Variants in EPHA3 observed in about 807,000 individuals in gnomAD.
EPHA3 encodes ephrin type-A receptor 3.
Under a neutral mutation model 107.1 loss-of-function variants are expected in EPHA3, and 42 were observed. The observed-to-expected ratio is 0.39, with a 90% CI of 0.31 to 0.51. The LOEUF is 0.51. Among genes scored for constraint, EPHA3 ranks in the 20% least tolerant of loss-of-function variants. The pLI, the probability that EPHA3 is intolerant of heterozygous loss-of-function variation, is 0.78. For synonymous variants in EPHA3, 461 were observed against 424.8 expected, an observed-to-expected ratio of 1.09 and a Z score of -1.05; for missense variants, 1,183 against 1,211.2, an observed-to-expected ratio of 0.98 and a Z score of 0.35.
At chr3:89,352,172 C>T (rs1330327870) in intron 5 of EPHA3, among the ~76,000 whole-genome samples, 1 of 151,316 alleles carries the variant, frequency 6.6e-6, no homozygotes, top group African/African-American at 2.4e-5. Context: ...CTATCCTCTG[C>T]TTTAGACAGA....
At chr3:89,419,142 C>G in intron 10 of EPHA3, 63 bp from the exon 11 acceptor site, 1 of 1,463,944 alleles carries the variant, frequency 6.8e-7, no homozygotes, top group Non-Finnish European at 9.1e-7. Context: ...AACAGTTGCT[C>G]TCTACTGATG....
chr3:89,442,507 G>A (rs1384339239), intron 13 of EPHA3, among the ~76,000 whole-genome samples: 2 of 152,106 alleles, frequency 1.3e-5, no homozygotes, highest in Non-Finnish European at 2.9e-5. Flanking sequence ...TCACAACTGG[G>A]GAGATGCTAA....
chr3:89,248,171 T>C (rs1419641951), intron 3 of EPHA3, among the ~76,000 whole-genome samples: 1 of 152,286 alleles, frequency 6.6e-6, no homozygotes, highest in African/African-American at 2.4e-5. Context: ...CTGCCTGCAC[T>C]TTTTCACCAT....
chr3:89,313,636 T>A (rs1034768468), intron 3 of EPHA3, among the ~76,000 whole-genome samples: 3 of 151,952 alleles, frequency 2.0e-5, no homozygotes, highest in African/African-American at 7.2e-5. Flanking sequence ...CTCTGTAGGT[T>A]CCATGCTGTT....
chr3:89,139,369 T>C lies in EPHA3; in HGVS notation c.153+12096T>C, dbSNP rs1704379225. On this transcript the variant is annotated intron_variant, in intron 2 of 16. Coordinates refer to ENST00000336596, the MANE Select transcript of EPHA3 (RefSeq NM_005233.6). Reference sequence around the variant, plus strand: ...TATGAGTCAATTTGGTAAACTGTGTTTGTCCAGAAATTCCCTGAATAAATA... The same window carrying C: ...TATGAGTCAATTTGGTAAACTGTGTCTGTCCAGAAATTCCCTGAATAAATA... 2.6e-5 allele frequency among the ~76,000 whole-genome samples: 4 copies of C among 151,824 alleles called. No homozygotes were observed. In the Admixed American group the frequency reaches 2.6e-4, roughly 10 times the overall value.
intron 3 of EPHA3, among the ~76,000 whole-genome samples, chr3:89,322,387 A>C (rs1330665397): frequency 6.6e-6 from 1 of 152,114 alleles, no homozygotes; most frequent in African/African-American, 2.4e-5. Flanking sequence ...CAGAGGAGAC[A>C]TTGGTCAGTG....
intron 13 of EPHA3, among the ~76,000 whole-genome samples, chr3:89,434,504 C>T (rs749420226): frequency 7.9e-5 from 12 of 152,212 alleles, no homozygotes; most frequent in Non-Finnish European, 1.3e-4. Context: ...AGGCGTGAGC[C>T]ACTGTTACCA....
chr3:89,406,407 C>G (rs75151258), intron 7 of EPHA3, among the ~76,000 whole-genome samples: 10,198 of 152,110 alleles, frequency 0.067, 413 homozygotes, highest in Middle Eastern at 0.13. Flanking sequence ...AGTCAGTAAA[C>G]TTTTTTCTGT....
At chr3:89,232,376 C>CT (rs1704659584) in intron 3 of EPHA3, among the ~76,000 whole-genome samples, 1 of 151,930 alleles carries the variant, frequency 6.6e-6, no homozygotes, top group African/African-American at 2.4e-5. Context: ...AGCAGCAGGT[C>CT]TTAAGGTGTG....
chr3:89,404,318 A>G (rs1709015758), intron 7 of EPHA3, among the ~76,000 whole-genome samples: 1 of 152,208 alleles, frequency 6.6e-6, no homozygotes, highest in African/African-American at 2.4e-5. Context: ...ACATTTATTG[A>G]GCACTTAATA....
At chr3:89,394,692 A>G (rs1343037642) in intron 5 of EPHA3, among the ~76,000 whole-genome samples, 1 of 152,228 alleles carries the variant, frequency 6.6e-6, no homozygotes, top group Non-Finnish European at 1.5e-5. Context: ...ACAAATACAG[A>G]ACTTCTGCTA....
intron 6 of EPHA3, 136 bp from the exon 7 acceptor site, chr3:89,399,182 C>T (rs1708907297): frequency 8.5e-6 from 7 of 826,826 alleles, no homozygotes; most frequent in Admixed American, 3.2e-5. Flanking sequence ...TTGAAATAAT[C>T]GATATGACTT....
chr3:89,123,946 G>A (rs1192208818), intron 1 of EPHA3, among the ~76,000 whole-genome samples: 1 of 152,130 alleles, frequency 6.6e-6, no homozygotes, highest in Admixed American at 6.5e-5. Context: ...TTACAGCTTT[G>A]ATAAATAACT....
intron 1 of EPHA3, among the ~76,000 whole-genome samples, chr3:89,117,988 T>C (rs900465348): frequency 5.9e-5 from 9 of 152,066 alleles, no homozygotes; most frequent in Non-Finnish European, 1.2e-4. Context: ...GTTACTCTTT[T>C]ATGAAATCTA....
chr3:89,419,519 A>G, intron 11 of EPHA3, 129 bp downstream of exon 11: 1 of 704,788 alleles, frequency 1.4e-6, no homozygotes, highest in Non-Finnish European at 2.2e-6. Context: ...AGAAAAGTTT[A>G]GGAATAGCAT....
chr3:89,380,805 G>A (rs570990032), intron 5 of EPHA3, among the ~76,000 whole-genome samples: 4 of 139,034 alleles, frequency 2.9e-5, no homozygotes, highest in African/African-American at 1.1e-4. Flanking sequence ...GTTTTGCTCT[G>A]TTGCCCAAGC....
At position 89,203,339 on chromosome 3, in the gene EPHA3, AC is replaced by A. The variant is rs1399440014; in HGVS notation, c.154-6520del. On this transcript the variant is annotated intron_variant, in intron 2 of 16. Coordinates refer to ENST00000336596, the MANE Select transcript of EPHA3 (RefSeq NM_005233.6). Reference sequence around the variant, plus strand: ...TAGCCGGAATTAAAAAAAAAACAAAACAAAACAAAACAAAAAAAAAATTACA... The same window carrying A: ...TAGCCGGAATTAAAAAAAAAACAAAAAAAACAAAACAAAAAAAAAATTACA... 4.3e-3 allele frequency among the ~76,000 whole-genome samples: 637 copies of A among 148,876 alleles called. 6 individuals are homozygous for A. Among genetic ancestry groups the A allele is most frequent in the African/African-American group, 0.012 (497 of 40,274 alleles).
chr3:89,389,279 G>GA (rs1349860343), intron 5 of EPHA3, among the ~76,000 whole-genome samples: 2 of 152,124 alleles, frequency 1.3e-5, no homozygotes, highest in Non-Finnish European at 2.9e-5. Flanking sequence ...GTTCACTTCT[G>GA]AAAAAACTGA....
intron 2 of EPHA3, among the ~76,000 whole-genome samples, chr3:89,142,864 A>G (rs1380146030): frequency 1.3e-5 from 2 of 151,418 alleles, no homozygotes; most frequent in Admixed American, 6.6e-5. Context: ...ATGCCTTTTC[A>G]AAAAAGAGCA....
Sources: gnomAD v4.1 joint callset for allele counts (sites outside exome capture counted in the v4.1 genomes callset) on GRCh38, gnomAD v4.1.1 for gene constraint, MANE v1.5 for transcripts, NCBI Gene and HGNC (gene_info 2026-07-23, HGNC 2026-07-21) for gene names.